The following ZNF783 variants were observed in gnomAD, a reference collection of about 807,000 sequenced individuals.
ZNF783 encodes the protein protein ZNF783.
ZNF783 carries 25 observed loss-of-function variants against 31.3 expected under a neutral mutation model. That is an observed-to-expected ratio of 0.80 (90% CI 0.58 to 1.11). The LOEUF is 1.11. Among genes scored for constraint, ZNF783 ranks in the 50% most tolerant of loss-of-function variants. The pLI, the probability that ZNF783 is intolerant of heterozygous loss-of-function variation, is 0.00. For missense variants in ZNF783, 797 were observed against 760.0 expected (o/e 1.05, Z -0.57); for synonymous variants, 369 against 319.1 (o/e 1.16, Z -1.66).
chr7:149,266,355 C>G lies in ZNF783; in HGVS notation c.45C>G (p.His15Gln). The change falls in exon 2 of 6, where the codon CAC (histidine) becomes CAG (glutamine). Residue 15 changes from histidine (H) to glutamine (Q), a missense_variant. His to Gln is a conservative substitution (Grantham distance 24, BLOSUM62 0). Transcript: ENST00000434415. ...APARDPETDK[H>Q]TEDQSPSTPL... The stretch of plus-strand genomic sequence containing the variant: ...AGCAGGACCCCGAGACAGACAAGCA[C>G]ACAGAGGACCAGAGTCCTTCGACAC... 1 of 1,591,254 alleles carries G rather than the reference C, an allele frequency of 6.3e-7. No homozygotes were observed. The highest frequency in any genetic ancestry group is 1.1e-5 in the South Asian group (1 of 90,090).
At chr7:149,280,008 C>T (rs1353754614) in intron 5 of ZNF783, among the ~76,000 whole-genome samples, 2 of 152,110 alleles carry the variant, frequency 1.3e-5, no homozygotes, top group African/African-American at 2.4e-5. Context: ...GAGATGGTGG[C>T]TGGGCAGAGG....
In ZNF783 at chr7:149,281,847, G is replaced by T; in HGVS notation, c.1145G>T (p.Arg382Leu). Reference sequence around the variant, plus strand: ...GAGGGGCGGCAGGAGGCCCCCGGCCGCTCGCCCACCAGCTGCGGGGACAGC... The same window carrying T: ...GAGGGGCGGCAGGAGGCCCCCGGCCTCTCGCCCACCAGCTGCGGGGACAGC... ...VEEGRQEAPG[R>L]SPTSCGDSQA... Residue 382 changes from arginine (R) to leucine (L), a missense_variant, in exon 6 of 6, where the codon CGC becomes CTC. Transcript: ENST00000434415. 1 of 1,495,644 alleles carries T rather than the reference G, an allele frequency of 6.7e-7. No homozygotes were observed. The allele number at this position is 1,495,644 out of a possible 1,614,324, so 92.6% of individuals were successfully genotyped here. A position where few individuals can be genotyped will look rare whatever the true frequency, so the allele number is the denominator to read the frequency against.
chr7:149,281,687 C>G lies in ZNF783; in HGVS notation c.985C>G (p.Arg329Gly), dbSNP rs373977749. The change falls in exon 6 of 6, where the codon CGG becomes GGG. Residue 329 changes from arginine (R) to glycine (G), a missense_variant. By Grantham distance (125) the Arg-to-Gly change is moderately radical (BLOSUM62 -2). Transcript: ENST00000434415. ...GCCCAGGGTGCGGGCAGGGGAGCCACGGCCACCGGGGGCCAGTGGGGAGAC... is the reference window on the plus strand; with the variant it reads ...GCCCAGGGTGCGGGCAGGGGAGCCAGGGCCACCGGGGGCCAGTGGGGAGAC... Reference protein sequence around the residue: ...GMPRVRAGEPRPPGASGETPR... With the variant: ...GMPRVRAGEPGPPGASGETPR... 13 of 1,498,920 alleles carry G rather than the reference C, an allele frequency of 8.7e-6. No individual in the cohort carries two copies. In the Admixed American group the frequency reaches 1.6e-4, roughly 18 times the overall value. The allele number at this position is 1,498,920 out of a possible 1,614,324, so 92.9% of individuals were successfully genotyped here.
At chr7:149,279,989 C>A in intron 5 of ZNF783, among the ~76,000 whole-genome samples, 1 of 152,194 alleles carries the variant, frequency 6.6e-6, no homozygotes. Context: ...TTGGGTACAC[C>A]TCCCAGACGA....
rs1025787043 is a variant in ZNF783 at position 149,283,626 on chromosome 7, G to A, written c.*1283G>A. On this transcript the variant is annotated 3_prime_UTR_variant, in exon 6 of 6. Coordinates refer to ENST00000434415, the MANE Select transcript of ZNF783 (RefSeq NM_001195220.2). ...CAGGCCTGCTTTTCACATTAAAGGC[G>A]GGGCAGTCTCCTCTCAAAGGAGTTC... 8 of 152,194 alleles carry A rather than the reference G, an allele frequency of 5.3e-5. No individual in the cohort carries two copies. The highest frequency in any genetic ancestry group is 9.7e-5 in the African/African-American group (4 of 41,440). 9.4% of individuals were successfully genotyped at this position (152,194 alleles called of 1,614,324 possible).
chr7:149,279,051 C>T (rs1011295756), intron 5 of ZNF783, among the ~76,000 whole-genome samples: 3 of 152,230 alleles, frequency 2.0e-5, no homozygotes, highest in African/African-American at 4.8e-5. Context: ...TTTAGCGGAA[C>T]ACTTGCAAAC....
rs980399100 is a variant in ZNF783, at chr7:149,282,881, G to A, written c.*538G>A. 6.6e-6 allele frequency: 1 copy of A among 152,450 alleles called. No homozygotes were observed. The allele number at this position is 152,450 out of a possible 1,614,324, so 9.4% of individuals were successfully genotyped here. ...ATGGAACTTTGCCTTTTGCAAAGTC[G>A]GAAAGAGTCGGCTTTTCCATGTGAG... On this transcript the variant is annotated 3_prime_UTR_variant, in exon 6 of 6. Transcript: ENST00000434415.
chr7:149,262,415 C>T, intron 1 of ZNF783, 58 bp downstream of exon 1: 3 of 1,197,836 alleles, frequency 2.5e-6, no homozygotes, highest in Non-Finnish European at 3.1e-6. Context: ...CGCGTGAGCC[C>T]GCGCGAGGGA....
chr7:149,278,717 T>A (rs574434026), intron 5 of ZNF783, among the ~76,000 whole-genome samples, 190 bp downstream of exon 5: 1 of 152,172 alleles, frequency 6.6e-6, no homozygotes. Context: ...AGGTAGGTTT[T>A]GGCATTTTCA....
intron 1 of ZNF783, among the ~76,000 whole-genome samples, chr7:149,265,070 G>A (rs1235732109): frequency 2.0e-5 from 3 of 152,086 alleles, no homozygotes; most frequent in African/African-American, 7.2e-5. Context: ...GCAAGGTGAT[G>A]GGAACTTGGA....
intron 5 of ZNF783, among the ~76,000 whole-genome samples, chr7:149,279,864 A>G (rs1158402443): frequency 2.0e-5 from 3 of 151,534 alleles, no homozygotes; most frequent in Non-Finnish European, 4.4e-5. Context: ...TCCCATGTCT[A>G]CTTCTTTCTA....
chr7:149,281,470 G>A, intron 5 of ZNF783, 35 bp from the exon 6 acceptor site: 1 of 1,423,904 alleles, frequency 7.0e-7, no homozygotes, highest in Non-Finnish European at 9.1e-7. Context: ...GGGTGGTGAG[G>A]TCCACTTGGA....
chr7:149,262,853 C>T (rs1294798834), intron 1 of ZNF783, among the ~76,000 whole-genome samples: 1 of 152,212 alleles, frequency 6.6e-6, no homozygotes, highest in Non-Finnish European at 1.5e-5. Context: ...TCTACTTTTG[C>T]CAAAGAGAAA....
At chr7:149,279,167 G>T (rs1328924804) in intron 5 of ZNF783, among the ~76,000 whole-genome samples, 1 of 152,242 alleles carries the variant, frequency 6.6e-6, no homozygotes, top group Non-Finnish European at 1.5e-5. Flanking sequence ...TCCCTGTGGT[G>T]ATTTCTGGGT....
chr7:149,276,664 T>C (rs1385440753), intron 4 of ZNF783: 2 of 899,810 alleles, frequency 2.2e-6, no homozygotes, highest in Non-Finnish European at 2.7e-6. Context: ...TTTATTTATT[T>C]ATTTATTTAT....
intron 4 of ZNF783, chr7:149,277,385 ACT>A (rs1186302855): frequency 6.6e-6 from 1 of 151,888 alleles, no homozygotes; most frequent in African/African-American, 2.4e-5. Context: ...CATTCTGTCA[ACT>A]CTCACTGTCA....
At chr7:149,277,832 T>A (rs975179281) in intron 4 of ZNF783, 4 of 152,298 alleles carry the variant, frequency 2.6e-5, no homozygotes, top group African/African-American at 7.2e-5. Context: ...CATTTGAAAG[T>A]CTTGCTAACA....
intron 4 of ZNF783, among the ~76,000 whole-genome samples, chr7:149,272,420 C>T (rs1194870661): frequency 3.3e-5 from 5 of 152,158 alleles, no homozygotes; most frequent in Non-Finnish European, 7.3e-5. Flanking sequence ...CCATAGGGCT[C>T]GTATCATTTG....
At chr7:149,276,661 ATTT>A (rs1448409888) in intron 4 of ZNF783, 233 of 885,630 alleles carry the variant, frequency 2.6e-4, no homozygotes, top group Non-Finnish European at 3.1e-4. Context: ...CTTTTTATTT[ATTT>A]ATTTATTTAT....
Sources: gnomAD v4.1 joint callset for allele counts (sites outside exome capture counted in the v4.1 genomes callset) on GRCh38, gnomAD v4.1.1 for gene constraint, MANE v1.5 for transcripts, NCBI Gene and HGNC (gene_info 2026-07-23, HGNC 2026-07-21) for gene names.